The following NRXN3 variants were observed in gnomAD, a reference collection of about 807,000 sequenced individuals.
NRXN3 encodes neurexin III.
In NRXN3, 32 loss-of-function variants were observed where a neutral mutation model predicts 137.6. That is an observed-to-expected ratio of 0.23 (90% CI 0.18 to 0.31). The LOEUF (loss-of-function observed/expected upper bound fraction) is 0.31, where lower values mean the gene tolerates loss of function less well. Ranked by LOEUF, NRXN3 falls within the 10% of genes least tolerant of loss-of-function variation. The pLI is 1.00. For missense variants in NRXN3, 1,574 were observed against 2,062.5 expected (o/e 0.76, Z 4.59); for synonymous variants, 798 against 784.5 (o/e 1.02, Z -0.29).
At chr14:78,546,303 C>T (rs777379902) in intron 4 of NRXN3, among the ~76,000 whole-genome samples, 6 of 152,116 alleles carry the variant, frequency 3.9e-5, no homozygotes, top group East Asian at 1.9e-4. Flanking sequence ...TTGCATTTCT[C>T]GGACTGTTAG....
intron 16 of NRXN3, among the ~76,000 whole-genome samples, chr14:79,558,955 A>G (rs1446283157): frequency 6.6e-6 from 1 of 152,118 alleles, no homozygotes; most frequent in East Asian, 1.9e-4. Context: ...TCTTTCCTTA[A>G]ACCTCATGAA....
At chr14:79,108,831 T>A (rs963889213) in intron 15 of NRXN3, among the ~76,000 whole-genome samples, 1 of 151,812 alleles carries the variant, frequency 6.6e-6, no homozygotes, top group African/African-American at 2.4e-5. Context: ...GGAGGAGAAA[T>A]GAGAGAATTA....
intron 16 of NRXN3, among the ~76,000 whole-genome samples, chr14:79,479,647 G>A (rs78896999): frequency 0.024 from 3,626 of 152,170 alleles, 153 homozygotes; most frequent in African/African-American, 0.083. Context: ...TTTGGCTAAA[G>A]CAGCATACAT....
At chr14:78,811,365 A>G (rs1291215539) in intron 10 of NRXN3, among the ~76,000 whole-genome samples, 1 of 152,074 alleles carries the variant, frequency 6.6e-6, no homozygotes, top group African/African-American at 2.4e-5. Context: ...CTGTATCCGT[A>G]GGGAAGAGAG....
chr14:79,517,739 C>G (rs975168046), intron 16 of NRXN3, among the ~76,000 whole-genome samples: 2 of 151,902 alleles, frequency 1.3e-5, no homozygotes, highest in African/African-American at 2.4e-5. Flanking sequence ...ATTTAAGCCT[C>G]TGTTATGATA....
chr14:79,612,448 C>T (rs2098114490), intron 16 of NRXN3, among the ~76,000 whole-genome samples: 1 of 152,174 alleles, frequency 6.6e-6, no homozygotes, highest in Non-Finnish European at 1.5e-5. Flanking sequence ...GGGGAAAGGA[C>T]AGCCAGCCAA....
chr14:79,209,409 T>G (rs1597306489), intron 15 of NRXN3, among the ~76,000 whole-genome samples: 1 of 152,246 alleles, frequency 6.6e-6, no homozygotes, highest in Middle Eastern at 3.4e-3. Context: ...ATGTAATTAC[T>G]AGGGAAACTT....
At chr14:79,771,099 C>T (rs888555492) in intron 19 of NRXN3, among the ~76,000 whole-genome samples, 6 of 152,094 alleles carry the variant, frequency 3.9e-5, no homozygotes, top group East Asian at 1.9e-4. Context: ...TCTGAATAGA[C>T]GAATAAGAGG....
chr14:79,413,892 A>AG (rs2095457705), intron 15 of NRXN3, among the ~76,000 whole-genome samples: 1 of 151,076 alleles, frequency 6.6e-6, no homozygotes, highest in Non-Finnish European at 1.5e-5. Flanking sequence ...TCAAAAAAAA[A>AG]AAAAAAAAAA....
rs923108392 is a variant in NRXN3, at chr14:78,956,568, G to A, written c.2276-674G>A. On this transcript the variant is annotated intron_variant, in intron 10 of 20. Coordinates refer to ENST00000335750, the MANE Select transcript of NRXN3 (RefSeq NM_001330195.2). ...AGTTTTGGAACTTTACATCATTTCA[G>A]TTTTTAGGTATTTGGATCCTTTTGG... is the stretch of plus-strand genomic sequence containing the variant. 5.3e-5 allele frequency among the ~76,000 whole-genome samples: 8 copies of A among 152,160 alleles called. No homozygotes were observed. The East Asian group carries it at 1.5e-3, about 29-fold the overall frequency.
Position 78,243,697 on chromosome 14 carries a change from T to C in NRXN3, c.604T>C (p.Cys202Arg). Reference protein sequence around the residue: ...RGVQMDAEGPCGERPCENGGI... With the variant: ...RGVQMDAEGPRGERPCENGGI... The stretch of plus-strand genomic sequence containing the variant: ...TGTCCAGATGGATGCCGAGGGACCC[T>C]GTGGTGAGCGTCCCTGTGAAAATGG... The change falls in exon 2 of 21, where the codon TGT becomes CGT. Residue 202 changes from cysteine (C) to arginine (R), a missense_variant. Physicochemically the swap from Cys to Arg is radical, Grantham distance 180 (BLOSUM62 -3). Around this residue, in one of 5 missense-constraint regions of NRXN3, gnomAD observed 400 missense variants for 527.3 expected, o/e 0.76. Coordinates refer to ENST00000335750, the MANE Select transcript of NRXN3 (RefSeq NM_001330195.2). The surrounding 1 kb of genome is among the most constrained non-coding windows in gnomAD (Gnocchi z 4.2). The C allele has an allele frequency of 1.9e-6, 3 of 1,598,422 alleles. No individual in the cohort carries two copies. The highest frequency in any genetic ancestry group is 2.5e-6 in the Non-Finnish European group (3 of 1,179,794).
chr14:78,327,099 A>C (rs754056220), intron 4 of NRXN3, among the ~76,000 whole-genome samples: 3 of 152,202 alleles, frequency 2.0e-5, no homozygotes, highest in Non-Finnish European at 4.4e-5. Context: ...AAGTGAACTA[A>C]TGCATTCAAA....
At chr14:78,212,384 C>T (rs2062833628) in intron 1 of NRXN3, among the ~76,000 whole-genome samples, 1 of 151,984 alleles carries the variant, frequency 6.6e-6, no homozygotes, top group Non-Finnish European at 1.5e-5. Context: ...AAATTAATGG[C>T]TTGAGGCTTC....
chr14:78,463,049 C>G (rs1456021297), intron 4 of NRXN3, among the ~76,000 whole-genome samples: 1 of 152,144 alleles, frequency 6.6e-6, no homozygotes, highest in African/African-American at 2.4e-5. Context: ...ACTCGGTACA[C>G]CCACGTGTAC....
At chr14:79,795,760 T>C (rs1339079620) in intron 19 of NRXN3, among the ~76,000 whole-genome samples, 3 of 152,214 alleles carry the variant, frequency 2.0e-5, no homozygotes, top group African/African-American at 7.2e-5. Flanking sequence ...TAGCCTTGTA[T>C]TTCTAGAAGT....
intron 19 of NRXN3, among the ~76,000 whole-genome samples, chr14:79,724,020 G>T (rs949236302): frequency 6.6e-6 from 1 of 152,098 alleles, no homozygotes; most frequent in African/African-American, 2.4e-5. Context: ...TCCAAGCTAG[G>T]TCTTCCAGGT....
intron 15 of NRXN3, among the ~76,000 whole-genome samples, chr14:79,451,080 A>G (rs2096162422): frequency 1.3e-5 from 2 of 151,590 alleles, no homozygotes; most frequent in Non-Finnish European, 2.9e-5. Flanking sequence ...TCTGCAAATG[A>G]GGACACAAAT....
At chr14:78,765,079 C>T (rs902326556) in intron 8 of NRXN3, among the ~76,000 whole-genome samples, 1 of 144,468 alleles carries the variant, frequency 6.9e-6, no homozygotes, top group African/African-American at 2.4e-5. Context: ...ATGGTCACCT[C>T]TGTAGAGGAA....
chr14:78,679,751 G>T lies in NRXN3; in HGVS notation c.1221+28425G>T, dbSNP rs182070818. 9.8e-4 allele frequency among the ~76,000 whole-genome samples: 149 copies of T among 152,196 alleles called. 1 individual carries two copies. Among genetic ancestry groups the T allele is most frequent in the South Asian group, 6.4e-3 (31 of 4,820 alleles). ...TTATTGAGCTTGAATAAACTTCTGA[G>T]CATTCATTGATTAATTTATCAAATA... On this transcript the variant is annotated intron_variant, in intron 6 of 20. Transcript: ENST00000335750.
Sources: gnomAD v4.1 joint callset for allele counts (sites outside exome capture counted in the v4.1 genomes callset) on GRCh38, gnomAD v4.1.1 for gene constraint, gnomAD v4.1.1 regional missense constraint, Gnocchi (gnomAD v3.1) non-coding constraint, MANE v1.5 for transcripts, NCBI Gene and HGNC (gene_info 2026-07-23, HGNC 2026-07-21) for gene names.